Variants in RARS2 observed in about 807,000 individuals in gnomAD.
The protein encoded by RARS2 is probable arginine--tRNA ligase, mitochondrial.
RARS2 carries 67 observed loss-of-function variants against 88.5 expected under a neutral mutation model. The ratio of observed to expected loss-of-function variants is 0.76; its 90% CI spans 0.62 to 0.93. The LOEUF (loss-of-function observed/expected upper bound fraction) is 0.93, where lower values mean the gene tolerates loss of function less well. RARS2 is among the 40% of genes least tolerant of loss of function. The pLI, the probability that RARS2 is intolerant of heterozygous loss-of-function variation, is 0.00. For missense variants in RARS2, 664 were observed against 684.2 expected, an observed-to-expected ratio of 0.97 and a Z score of 0.33; for synonymous variants, 239 against 230.3, an observed-to-expected ratio of 1.04 and a Z score of -0.34.
At chr6:87,560,152 T>A (rs951702093) in intron 4 of RARS2, among the ~76,000 whole-genome samples, 1 of 152,246 alleles carries the variant, frequency 6.6e-6, no homozygotes, top group Non-Finnish European at 1.5e-5. Flanking sequence ...CACCTAATTA[T>A]CTTTTTACAT....
At chr6:87,548,785 A>C in intron 5 of RARS2, 139 bp from the exon 6 acceptor site, 8 of 750,354 alleles carry the variant, frequency 1.1e-5, no homozygotes, top group Middle Eastern at 2.8e-4. Flanking sequence ...AAAGTTAAAA[A>C]TTTAGAGCAA....
At chr6:87,582,966 T>C (rs543172494) in intron 1 of RARS2, among the ~76,000 whole-genome samples, 2 of 152,142 alleles carry the variant, frequency 1.3e-5, no homozygotes, top group South Asian at 2.1e-4. Context: ...TGATCCTATA[T>C]GGGGAAAAAA....
chr6:87,578,958 CAAAAAAAA>C lies in RARS2; in HGVS notation c.37-9376_37-9369del, dbSNP rs72383675. Among the ~76,000 whole-genome samples, 10 of 41,886 alleles carry C rather than the reference CAAAAAAAA, an allele frequency of 2.4e-4. No individual in the cohort carries two copies. In the South Asian group the frequency reaches 4.2e-3, roughly 18 times the overall value. The allele number at this position is 41,886 out of a possible 152,430, so 27.5% of individuals were successfully genotyped here. ...CTGGAGACAGAGCGAGAGACTGTCT[CAAAAAAAA>C]AAAAAAAAAAAAAAAAAAGACTAAT... On this transcript the variant is annotated intron_variant, in intron 1 of 19. Transcript: ENST00000369536.
intron 10 of RARS2, among the ~76,000 whole-genome samples, chr6:87,525,181 G>A (rs1023671968): frequency 1.3e-5 from 2 of 152,138 alleles, no homozygotes; most frequent in Non-Finnish European, 1.5e-5. Context: ...AAATATGACA[G>A]GAGAAAGTTT....
chr6:87,576,745 AAG>A (rs1771710424), intron 1 of RARS2, among the ~76,000 whole-genome samples: 1 of 152,242 alleles, frequency 6.6e-6, no homozygotes, highest in African/African-American at 2.4e-5. Flanking sequence ...TCAATTAAAA[AAG>A]AGAAACTGAA....
Position 87,548,543 on chromosome 6 carries a change from A to G in RARS2, c.451+48T>C, listed in dbSNP as rs367976936. The G allele has an allele frequency of 2.6e-4, 399 of 1,554,656 alleles. 4 individuals carry two copies. In the South Asian group the frequency reaches 4.3e-3, roughly 17 times the overall value. On this transcript the variant is annotated intron_variant, in intron 6 of 19. Transcript: ENST00000369536. Reference sequence around the variant, plus strand: ...AAAACATTAAATTGAACTATCAAATACTTCCTCAAAGGAACGTTTAGCATT... The same window carrying G: ...AAAACATTAAATTGAACTATCAAATGCTTCCTCAAAGGAACGTTTAGCATT...
chr6:87,576,699 AG>A (rs1290748463), intron 1 of RARS2, among the ~76,000 whole-genome samples: 3 of 152,236 alleles, frequency 2.0e-5, no homozygotes. Context: ...GGGGCATATA[AG>A]TATTAACTAT....
chr6:87,524,214 G>A (rs1277170666), intron 11 of RARS2, among the ~76,000 whole-genome samples: 1 of 152,034 alleles, frequency 6.6e-6, no homozygotes, highest in Non-Finnish European at 1.5e-5. Flanking sequence ...TTCCACAAAG[G>A]TCAGTCACAG....
intron 10 of RARS2, among the ~76,000 whole-genome samples, 168 bp downstream of exon 10, chr6:87,529,374 T>A (rs1466166080): frequency 2.0e-5 from 3 of 152,192 alleles, no homozygotes; most frequent in African/African-American, 7.2e-5. Context: ...CAGCTTTTGC[T>A]ATGGAAGCAA....
intron 2 of RARS2, among the ~76,000 whole-genome samples, chr6:87,565,249 C>A (rs1393749551): frequency 1.3e-5 from 2 of 152,192 alleles, no homozygotes. Flanking sequence ...AACCTCTCCA[C>A]TGACCTCCAA....
intron 8 of RARS2, among the ~76,000 whole-genome samples, chr6:87,538,494 T>C (rs1440134304): frequency 6.6e-6 from 1 of 152,194 alleles, no homozygotes; most frequent in Non-Finnish European, 1.5e-5. Context: ...AAGAAATATA[T>C]TCTTAGGTTT....
chr6:87,571,294 T>C (rs530396768), intron 1 of RARS2, among the ~76,000 whole-genome samples: 1 of 152,308 alleles, frequency 6.6e-6, no homozygotes, highest in Admixed American at 6.5e-5. Flanking sequence ...AGAATGTGTC[T>C]GCTTCCCCTT....
intron 2 of RARS2, among the ~76,000 whole-genome samples, chr6:87,565,815 T>C (rs1370648439): frequency 6.6e-6 from 1 of 152,238 alleles, no homozygotes; most frequent in Non-Finnish European, 1.5e-5. Context: ...TGAAACTTTA[T>C]TTATCCAGCC....
At position 87,516,871 on chromosome 6, in the gene RARS2, C is replaced by T. The variant is rs1771918967; in HGVS notation, c.1521G>A (p.Glu507=). ...AGTCCTGAGATGATTTATAAAGCAC[C>T]TCGTCGAACCTAAAAGATGACAGGA... is the stretch of plus-strand genomic sequence containing the variant. ...SILQHLLRFD[E]VLYKSSQDFQ... is the part of the protein sequence containing the mutation. The change falls in exon 18 of 20, where the codon GAG becomes GAA. Residue 507 remains glutamate (E), a synonymous_variant. Transcript: ENST00000369536. The T allele has an allele frequency of 6.2e-7, 1 of 1,613,552 alleles. No individual in the cohort carries two copies. The highest frequency in any genetic ancestry group is 8.5e-7 in the Non-Finnish European group (1 of 1,179,780).
intron 18 of RARS2, among the ~76,000 whole-genome samples, chr6:87,515,348 C>T (rs372724527): frequency 2.0e-5 from 3 of 151,912 alleles, no homozygotes; most frequent in African/African-American, 4.8e-5. Context: ...GGTGAAACCC[C>T]GTCTCTACTA....
chr6:87,523,763 A>C (rs921558198), intron 11 of RARS2, among the ~76,000 whole-genome samples: 1 of 152,224 alleles, frequency 6.6e-6, no homozygotes, highest in African/African-American at 2.4e-5. Context: ...GATACTTCTT[A>C]TAACCACTGT....
chr6:87,514,311 C>CAA lies in RARS2; in HGVS notation c.*100_*101dup, dbSNP rs5878032. ...GGGCAACAAGAGCGAAACTCCATCT[C>CAA]AAAAAAAAAAAAAAAAAATTTAAAT... is the stretch of plus-strand genomic sequence containing the variant. On this transcript the variant is annotated 3_prime_UTR_variant, in exon 20 of 20. Transcript: ENST00000369536. 8.6e-3 allele frequency: 4,921 copies of CAA among 570,482 alleles called. No homozygotes were observed. The highest frequency in any genetic ancestry group is 0.01 in the East Asian group (241 of 23,660). 35.3% of individuals were successfully genotyped at this position (570,482 alleles called of 1,614,324 possible).
intron 11 of RARS2, among the ~76,000 whole-genome samples, chr6:87,523,565 A>C (rs17504517): frequency 0.031 from 4,759 of 152,336 alleles, 106 homozygotes; most frequent in Middle Eastern, 0.054. Flanking sequence ...AAAAGTCTAC[A>C]TCTAATGACA....
intron 16 of RARS2, 64 bp downstream of exon 16, chr6:87,518,566 A>C: frequency 6.7e-7 from 1 of 1,493,982 alleles, no homozygotes; most frequent in Non-Finnish European, 9.3e-7. Context: ...CTGGTCTTAG[A>C]ATCACAGGAC....
Sources: gnomAD v4.1 joint callset for allele counts (sites outside exome capture counted in the v4.1 genomes callset) on GRCh38, gnomAD v4.1.1 for gene constraint, MANE v1.5 for transcripts, NCBI Gene and HGNC (gene_info 2026-07-23, HGNC 2026-07-21) for gene names.